The following KCTD18 variants were observed in gnomAD, a reference collection of about 807,000 sequenced individuals.
KCTD18 encodes the protein BTB/POZ domain-containing protein KCTD18.
A neutral mutation model predicts 30.4 loss-of-function variants in KCTD18; 22 were observed. That is an observed-to-expected ratio of 0.72 (90% CI 0.52 to 1.03). KCTD18 has a LOEUF of 1.03. Ranked by LOEUF, KCTD18 falls within the 50% of genes least tolerant of loss-of-function variation. The pLI, the probability that KCTD18 is intolerant of heterozygous loss-of-function variation, is 0.00. For missense variants in KCTD18, 529 were observed against 547.6 expected (o/e 0.97, Z 0.34); for synonymous variants, 186 against 209.0 (o/e 0.89, Z 0.95).
rs763517829 is a variant in KCTD18 at position 200,490,580 on chromosome 2, C to T, written c.801G>A (p.Val267=). 92 of 1,597,558 alleles carry T rather than the reference C, an allele frequency of 5.8e-5. No individual in the cohort carries two copies. Among genetic ancestry groups the T allele is most frequent in the Non-Finnish European group, 7.2e-5 (85 of 1,178,488 alleles). ...LITFNEADES[V]NYKTGPKPVR... ...CTGGCTTAGGACCAGTCTTATAGTT[C>T]ACACTTTCGTCCGCTTCATTGAACG... Residue 267 remains valine (V), a synonymous_variant, in exon 7 of 7, where the codon GTG becomes GTA. Transcript: ENST00000359878.
At chr2:200,491,949 C>A (rs1029097104) in intron 6 of KCTD18, among the ~76,000 whole-genome samples, 17 of 152,186 alleles carry the variant, frequency 1.1e-4, no homozygotes, top group African/African-American at 3.9e-4. Flanking sequence ...AACCCTAAAT[C>A]CCTACTGAAC....
chr2:200,491,323 T>G (rs1401688660), intron 6 of KCTD18, among the ~76,000 whole-genome samples: 1 of 152,240 alleles, frequency 6.6e-6, no homozygotes, highest in Non-Finnish European at 1.5e-5. Context: ...CAGAAGCATA[T>G]GCTGGCCCTA....
rs1422061802 is a variant in KCTD18 at position 200,490,680 on chromosome 2, C to A, written c.765-64G>T. 3.4e-6 allele frequency: 5 copies of A among 1,479,178 alleles called. No individual in the cohort carries two copies. In the Middle Eastern group the frequency reaches 5.6e-4, roughly 164 times the overall value. 91.6% of individuals were successfully genotyped at this position (1,479,178 alleles called of 1,614,324 possible). A position where few individuals can be genotyped will look rare whatever the true frequency, so the allele number is the denominator to read the frequency against. On this transcript the variant is annotated intron_variant, in intron 6 of 6. Coordinates refer to ENST00000359878, the MANE Select transcript of KCTD18 (RefSeq NM_152387.4). ...TTTTAGTAACTCATGAAAACATCTC[C>A]CAAGTTTACCTTCAGCATTAACAGA...
rs753912975 is a variant in KCTD18 at position 200,493,305 on chromosome 2, C to T, written c.662-31G>A. 3.3e-6 allele frequency: 4 copies of T among 1,199,078 alleles called. No homozygotes were observed. In the Admixed American group the frequency reaches 6.7e-5, roughly 20 times the overall value. The allele number at this position is 1,199,078 out of a possible 1,614,324, so 74.3% of individuals were successfully genotyped here. On this transcript the variant is annotated intron_variant, in intron 5 of 6. Transcript: ENST00000359878. ...AGGTAAAAAGACATAATTAAGACAG[C>T]TACCATCCACTGCAAAATGCTGAGC...
In KCTD18 at chr2:200,498,888, T is replaced by C. The variant is rs781645600; in HGVS notation, c.566+3A>G. On this transcript the variant is annotated splice_donor_region_variant and intron_variant, in intron 4 of 6. Coordinates refer to ENST00000359878, the MANE Select transcript of KCTD18 (RefSeq NM_152387.4). ...TCTTTTTCACATTTAAATTTGGACATACCTTTTAAAAATGCCTTTGCTGTG... is the reference window on the plus strand; with the variant it reads ...TCTTTTTCACATTTAAATTTGGACACACCTTTTAAAAATGCCTTTGCTGTG... 12 of 1,612,664 alleles carry C rather than the reference T, an allele frequency of 7.4e-6. No homozygotes were observed. Among genetic ancestry groups the C allele is most frequent in the East Asian group, 2.2e-5 (1 of 44,876 alleles).
chr2:200,494,527 T>A (rs570615594), intron 5 of KCTD18, among the ~76,000 whole-genome samples: 3 of 152,320 alleles, frequency 2.0e-5, no homozygotes, highest in Admixed American at 2.0e-4. Context: ...GCTGGGCATA[T>A]AAATCATTAT....
At chr2:200,505,968 C>A (rs148819843) in intron 2 of KCTD18, among the ~76,000 whole-genome samples, 182 of 152,188 alleles carry the variant, frequency 1.2e-3, no homozygotes, top group African/African-American at 4.0e-3. Context: ...AAAACTCAAT[C>A]CCTGCTTACC....
At chr2:200,507,842 T>A (rs1046257085) in intron 1 of KCTD18, among the ~76,000 whole-genome samples, 1 of 152,208 alleles carries the variant, frequency 6.6e-6, no homozygotes, top group African/African-American at 2.4e-5. Context: ...TTAATTTTTT[T>A]AAATTTTTAA....
chr2:200,498,124 T>A (rs1032471945), intron 4 of KCTD18, among the ~76,000 whole-genome samples: 2 of 152,182 alleles, frequency 1.3e-5, no homozygotes, highest in Admixed American at 1.3e-4. Flanking sequence ...ACATCTTTAA[T>A]ATCAAGTTTT....
chr2:200,504,523 A>G (rs1450882090), intron 3 of KCTD18, among the ~76,000 whole-genome samples: 1 of 152,062 alleles, frequency 6.6e-6, no homozygotes, highest in African/African-American at 2.4e-5. Flanking sequence ...AAAAAGTGTT[A>G]AATCTTCAGT....
chr2:200,508,850 T>C (rs772234780), intron 1 of KCTD18, among the ~76,000 whole-genome samples: 3 of 152,224 alleles, frequency 2.0e-5, no homozygotes, highest in African/African-American at 4.8e-5. Flanking sequence ...TTGTTCCCTC[T>C]GCCTCATTAC....
At chr2:200,500,127 A>C (rs2088062997) in intron 3 of KCTD18, among the ~76,000 whole-genome samples, 1 of 151,794 alleles carries the variant, frequency 6.6e-6, no homozygotes, top group Middle Eastern at 3.4e-3. Flanking sequence ...GATGGGACGT[A>C]TCTCAAAATA....
In KCTD18 at chr2:200,490,041, C is replaced by T; in HGVS notation, c.*59G>A. On this transcript the variant is annotated 3_prime_UTR_variant, in exon 7 of 7. Coordinates refer to ENST00000359878, the MANE Select transcript of KCTD18 (RefSeq NM_152387.4). ...GCATTAAGAAAGTGTCACTTCTTTG[C>T]GTCGAATGGGTTGAAAGCTTTGGGA... The T allele has an allele frequency of 1.3e-6, 2 of 1,489,742 alleles. No individual in the cohort carries two copies. Among genetic ancestry groups the T allele is most frequent in the African/African-American group, 1.4e-5 (1 of 71,686 alleles). The allele number at this position is 1,489,742 out of a possible 1,614,324, so 92.3% of individuals were successfully genotyped here. A position where few individuals can be genotyped will look rare whatever the true frequency, so the allele number is the denominator to read the frequency against.
Position 200,490,526 on chromosome 2 carries a change from G to A in KCTD18, c.855C>T (p.Thr285=), listed in dbSNP as rs748148780. Residue 285 remains threonine (T), a synonymous_variant, in exon 7 of 7, where the codon ACC becomes ACT. Transcript: ENST00000359878. ...PVRFLGPSTS[T]QIKVKNSASV... ...AGGCCGAGTTCTTGACTTTAATTTG[G>A]GTACTTGTGGAAGGGCCCAAAAATC... The A allele has an allele frequency of 5.0e-6, 8 of 1,605,250 alleles. No homozygotes were observed. The highest frequency in any genetic ancestry group is 4.2e-6 in the Non-Finnish European group (5 of 1,179,966).
At chr2:200,499,510 A>G (rs1463964399) in intron 3 of KCTD18, among the ~76,000 whole-genome samples, 3 of 152,170 alleles carry the variant, frequency 2.0e-5, no homozygotes, top group African/African-American at 7.2e-5. Flanking sequence ...CCTCTACGCA[A>G]ATAAACTAGA....
chr2:200,506,102 G>A (rs547203922), intron 2 of KCTD18, among the ~76,000 whole-genome samples: 9 of 152,180 alleles, frequency 5.9e-5, no homozygotes, highest in African/African-American at 1.9e-4. Flanking sequence ...TAACACCAGA[G>A]TTATTAACAG....
intron 3 of KCTD18, 23 bp from the exon 4 acceptor site, chr2:200,499,107 A>G (rs1340799522): frequency 6.6e-7 from 1 of 1,524,420 alleles, no homozygotes; most frequent in Non-Finnish European, 8.9e-7. Context: ...GTATATATAA[A>G]ATTTGAATTT....
At chr2:200,490,930 G>C (rs1032668257) in intron 6 of KCTD18, among the ~76,000 whole-genome samples, 1 of 152,008 alleles carries the variant, frequency 6.6e-6, no homozygotes, top group African/African-American at 2.4e-5. Context: ...TGTGACCTAC[G>C]GGATAACCAG....
chr2:200,495,258 G>A (rs1479357056), intron 5 of KCTD18, among the ~76,000 whole-genome samples: 1 of 151,968 alleles, frequency 6.6e-6, no homozygotes, highest in Non-Finnish European at 1.5e-5. Context: ...TCTTATCATG[G>A]GCATTCATCT....
Sources: allele counts gnomAD v4.1 joint callset (sites outside exome capture counted in the v4.1 genomes callset), GRCh38; gene constraint gnomAD v4.1.1; transcripts MANE v1.5; gene names NCBI Gene and HGNC (gene_info 2026-07-23, HGNC 2026-07-21).